Variants in ADCY4 observed in about 807,000 individuals in gnomAD.
ADCY4 encodes the protein adenylate cyclase 4.
ADCY4 carries 111 observed loss-of-function variants against 125.5 expected under a neutral mutation model. That is an observed-to-expected ratio of 0.88 (90% confidence interval 0.76 to 1.04). The LOEUF is 1.04. Among genes scored for constraint, ADCY4 ranks in the 50% least tolerant of loss-of-function variants. ADCY4 has a pLI of 0.00. For synonymous variants in ADCY4, 576 were observed against 586.9 expected, an observed-to-expected ratio of 0.98 and a Z score of 0.27; for missense variants, 1,256 against 1,382.9, an observed-to-expected ratio of 0.91 and a Z score of 1.46.
At chr14:24,322,755 G>GGCCTTCTCCCTGCCCCCATGTA in intron 18 of ADCY4, 47 bp from the exon 19 acceptor site, 1 of 1,597,408 alleles carries the variant, frequency 6.3e-7, no homozygotes, top group African/African-American at 1.3e-5. Context: ...CCCCCTTCCT[G>GGCCTTCTCCCTGCCCCCATGTA]GCCTTCTCCC....
intron 10 of ADCY4, 151 bp from the exon 11 acceptor site, chr14:24,326,493 C>T: frequency 1.2e-6 from 1 of 833,568 alleles, no homozygotes; most frequent in Non-Finnish European, 1.9e-6. Flanking sequence ...TCTCTGTCTC[C>T]CAAATCCCAC....
At chr14:24,326,048 C>T (rs747107639) in intron 12 of ADCY4, 31 bp downstream of exon 12, 19 of 1,564,792 alleles carry the variant, frequency 1.2e-5, no homozygotes, top group South Asian at 9.6e-5. Flanking sequence ...TCAGGGCCTG[C>T]GGCCCCCCCA....
In ADCY4 at chr14:24,334,813, C is replaced by T. The variant is rs2042108455; in HGVS notation, c.-161G>A. ...TCCCGTCTCCTTTTTCAGGCCCTCCCTGCGGCCTCCCAGCCCGCTCCCAGC... is the reference window on the plus strand; with the variant it reads ...TCCCGTCTCCTTTTTCAGGCCCTCCTTGCGGCCTCCCAGCCCGCTCCCAGC... On this transcript the variant is annotated 5_prime_UTR_variant, in exon 1 of 25. Coordinates refer to ENST00000418030, the MANE Select transcript of ADCY4 (RefSeq NM_001198568.2). 3.3e-6 allele frequency: 2 copies of T among 609,820 alleles called. No homozygotes were observed. The highest frequency in any genetic ancestry group is 1.9e-5 in the African/African-American group (1 of 52,236). The allele number at this position is 609,820 out of a possible 1,614,324, so 37.8% of individuals were successfully genotyped here.
rs1202227775 is a variant in ADCY4, at chr14:24,332,559, C to T, written c.482G>A (p.Gly161Glu). ...SHLLVLGLYL[G>E]PQPDSRPALL... Reference sequence around the variant, plus strand: ...TGCAGGCCGTGAGTCCGGCTGTGGCCCAAGATACAGCCCGAGGACCAGCAG... The same window carrying T: ...TGCAGGCCGTGAGTCCGGCTGTGGCTCAAGATACAGCCCGAGGACCAGCAG... The change falls in exon 3 of 25, where the codon GGG becomes GAG. Residue 161 changes from glycine (G) to glutamate (E), a missense_variant. Physicochemically the swap from Gly to Glu is moderately conservative, Grantham distance 98 (BLOSUM62 -2). Transcript: ENST00000418030. The T allele has an allele frequency of 6.4e-7, 1 of 1,574,710 alleles. No homozygotes were observed. Among genetic ancestry groups the T allele is most frequent in the Non-Finnish European group, 8.6e-7 (1 of 1,160,258 alleles).
chr14:24,324,352 G>A lies in ADCY4; in HGVS notation c.1863C>T (p.Leu621=), dbSNP rs145940354. The A allele has an allele frequency of 1.9e-6, 3 of 1,614,144 alleles. No individual in the cohort carries two copies. Among genetic ancestry groups the A allele is most frequent in the African/African-American group, 1.3e-5 (1 of 74,940 alleles). The part of the protein sequence containing the change: ...ALAITYSITF[L]LFLLILFVCF... ...AGACAAAAAGGATGAGGAGGAAGAGGAGGAAGGTGATGCTATACGTGATGG... is the reference window on the plus strand; with the variant it reads ...AGACAAAAAGGATGAGGAGGAAGAGAAGGAAGGTGATGCTATACGTGATGG... Residue 621 remains leucine, a synonymous_variant, in exon 15 of 25, where the codon CTC becomes CTT. Transcript: ENST00000418030.
chr14:24,319,451 G>A lies in ADCY4; in HGVS notation c.2734-15C>T, dbSNP rs755235652. On this transcript the variant is annotated splice_polypyrimidine_tract_variant and intron_variant, in intron 21 of 24. Coordinates refer to ENST00000418030, the MANE Select transcript of ADCY4 (RefSeq NM_001198568.2). The surrounding 1 kb of genome is among the most constrained non-coding windows in gnomAD (Gnocchi z 4.5). ...TTGGAGAGCAGCTGTATATAGAGAA[G>A]AGTCCTGTCCCCAGTCTCTCTTACT... 1 of 1,611,982 alleles carries A rather than the reference G, an allele frequency of 6.2e-7. No homozygotes were observed. The highest frequency in any genetic ancestry group is 1.7e-5 in the Admixed American group (1 of 59,988).
chr14:24,321,994 T>C, intron 20 of ADCY4, 72 bp downstream of exon 20: 3 of 1,507,258 alleles, frequency 2.0e-6, no homozygotes, highest in Non-Finnish European at 2.7e-6. Flanking sequence ...AAACGGGCCA[T>C]AGGTCAAGGC....
At chr14:24,322,318 C>T in intron 19 of ADCY4, 94 bp from the exon 20 acceptor site, 1 of 1,399,686 alleles carries the variant, frequency 7.1e-7, no homozygotes, top group Non-Finnish European at 9.7e-7. Flanking sequence ...CCTGAAACCA[C>T]CCCCACCCCA....
At chr14:24,329,720 C>T (rs2042010307) in intron 8 of ADCY4, 140 bp downstream of exon 8, 8 of 1,429,194 alleles carry the variant, frequency 5.6e-6, no homozygotes, top group Non-Finnish European at 7.5e-6. Context: ...TCCCTGCACC[C>T]TAGGATCTCC....
chr14:24,319,285 T>C lies in ADCY4; in HGVS notation c.2841+44A>G. The C allele has an allele frequency of 1.2e-6, 2 of 1,610,836 alleles. No homozygotes were observed. The highest frequency in any genetic ancestry group is 1.7e-6 in the Non-Finnish European group (2 of 1,177,134). On this transcript the variant is annotated intron_variant, in intron 22 of 24. Transcript: ENST00000418030. The surrounding 1 kb of genome is among the most constrained non-coding windows in gnomAD (Gnocchi z 4.5). ...TAAGTCCCACTAATAAGCCCATCAA[T>C]GAGAGCCCAGAGGAGGATGGTAGGT...
At chr14:24,333,492 G>A (rs1370317384) in intron 1 of ADCY4, among the ~76,000 whole-genome samples, 2 of 152,066 alleles carry the variant, frequency 1.3e-5, no homozygotes, top group East Asian at 1.9e-4. Flanking sequence ...GCCTCCCAAA[G>A]TGCTGGGATT....
Position 24,319,784 on chromosome 14 carries a change from C to A in ADCY4, c.2691G>T (p.Glu897Asp). The A allele has an allele frequency of 2.5e-6, 4 of 1,614,206 alleles. No homozygotes were observed. Among genetic ancestry groups the A allele is most frequent in the Non-Finnish European group, 2.5e-6 (3 of 1,180,042 alleles). ...TTATCTCATTGAGCAGCCTCAGACACTCTAGGCCCTCATGATTGATGTTGG... is the reference window on the plus strand; with the variant it reads ...TTATCTCATTGAGCAGCCTCAGACAATCTAGGCCCTCATGATTGATGTTGG... Reference protein sequence around the residue: ...SESNINHEGLECLRLLNEIIA... With the variant: ...SESNINHEGLDCLRLLNEIIA... Residue 897 changes from glutamate (E) to aspartate (D), a missense_variant, in exon 21 of 25, where the codon GAG (glutamate) becomes GAT (aspartate). Glu to Asp is a conservative substitution (Grantham distance 45). Transcript: ENST00000418030. This position sits in a 1 kb window ranked among gnomAD's most constrained non-coding sequence, Gnocchi z 4.5.
chr14:24,323,722 C>A, intron 16 of ADCY4: 4 of 912,720 alleles, frequency 4.4e-6, no homozygotes, highest in Non-Finnish European at 5.2e-6. Flanking sequence ...TTAGTTTCTT[C>A]TTCTGTAACT....
chr14:24,319,363 C>T lies in ADCY4; in HGVS notation c.2807G>A (p.Gly936Asp), dbSNP rs372403848. ...TIGSTYMAATGLNATSGQDAQ... is the reference protein window; with the variant it reads ...TIGSTYMAATDLNATSGQDAQ... ...ATCCTGTCCAGAGGTGGCATTTAAG[C>T]CTGTGGCTGCCATGTAGGTGCTGCC... The change falls in exon 22 of 25, where the codon GGC becomes GAC. Residue 936 changes from glycine (G) to aspartate (D), a missense_variant. By Grantham distance (94) the Gly-to-Asp change is moderately conservative (BLOSUM62 -1). Coordinates refer to ENST00000418030, the MANE Select transcript of ADCY4 (RefSeq NM_001198568.2). This position sits in a 1 kb window ranked among gnomAD's most constrained non-coding sequence, Gnocchi z 4.5. 3.1e-6 allele frequency: 5 copies of T among 1,614,166 alleles called. No homozygotes were observed. Among genetic ancestry groups the T allele is most frequent in the Non-Finnish European group, 4.2e-6 (5 of 1,180,040 alleles).
chr14:24,321,173 G>C (rs1196372520), intron 20 of ADCY4, among the ~76,000 whole-genome samples: 3 of 150,938 alleles, frequency 2.0e-5, no homozygotes, highest in African/African-American at 4.9e-5. Context: ...CATTTTGGGA[G>C]GCCAAGGTGG....
At chr14:24,322,379 T>A in intron 19 of ADCY4, 155 bp from the exon 20 acceptor site, 1 of 939,300 alleles carries the variant, frequency 1.1e-6, no homozygotes, top group South Asian at 1.7e-5. Context: ...GGAGAGAGAC[T>A]ATCCTTGAAA....
Position 24,334,882 on chromosome 14 carries a change from A to T in ADCY4, c.-230T>A, listed in dbSNP as rs3212260. On this transcript the variant is annotated 5_prime_UTR_variant, in exon 1 of 25. It adds an upstream start codon to the 5' untranslated region. Transcript: ENST00000418030. The stretch of plus-strand genomic sequence containing the variant: ...TCAGTCCTTTCCTCCTCCTCCCTCA[A>T]ACCCGGATTGTAGAGGTGCCCTAGA... 0.23 allele frequency: 117,213 copies of T among 510,314 alleles called. 14,679 individuals carry two copies. Among genetic ancestry groups the T allele is most frequent in the Admixed American group, 0.35 (9,160 of 26,086 alleles). 31.6% of individuals were successfully genotyped at this position (510,314 alleles called of 1,614,324 possible).
Position 24,329,496 on chromosome 14 carries a change from C to T in ADCY4, c.1255G>A (p.Ala419Thr). ...GCGTCCTCCACAGCATAAGCCCCTG[C>T]CAGCAGGGCCAGGGTAGCCCCTGTG... is the stretch of plus-strand genomic sequence containing the variant. Reference protein sequence around the residue: ...HITGATLALLAGAYAVEDAGM... With the variant: ...HITGATLALLTGAYAVEDAGM... Residue 419 changes from alanine to threonine, a missense_variant, in exon 9 of 25, where the codon GCA becomes ACA. Coordinates refer to ENST00000418030, the MANE Select transcript of ADCY4 (RefSeq NM_001198568.2). 6.4e-7 allele frequency: 1 copy of T among 1,564,014 alleles called. No homozygotes were observed. The highest frequency in any genetic ancestry group is 8.6e-7 in the Non-Finnish European group (1 of 1,158,458).
chr14:24,321,185 T>C (rs929181830), intron 20 of ADCY4, among the ~76,000 whole-genome samples: 2 of 146,726 alleles, frequency 1.4e-5, no homozygotes, highest in African/African-American at 5.1e-5. Context: ...CCAAGGTGGG[T>C]GGATCACCTG....
Sources: gnomAD v4.1 joint callset for allele counts (sites outside exome capture counted in the v4.1 genomes callset) on GRCh38, gnomAD v4.1.1 for gene constraint, Gnocchi (gnomAD v3.1) non-coding constraint, MANE v1.5 for transcripts, NCBI Gene and HGNC (gene_info 2026-07-23, HGNC 2026-07-21) for gene names.